The following ELAVL1 variants were observed in gnomAD, a reference collection of about 807,000 sequenced individuals.
The protein encoded by ELAVL1 is ELAV-like protein 1.
A neutral mutation model predicts 28.4 loss-of-function variants in ELAVL1; 1 was observed. The ratio of observed to expected loss-of-function variants is 0.04; its 90% CI spans 0.01 to 0.17. ELAVL1 has a LOEUF of 0.17. ELAVL1 is among the 10% of genes least tolerant of loss of function. The pLI, the probability that ELAVL1 is intolerant of heterozygous loss-of-function variation, is 1.00. For synonymous variants in ELAVL1, 174 were observed against 183.5 expected, an observed-to-expected ratio of 0.95 and a Z score of 0.42; for missense variants, 157 against 447.2, an observed-to-expected ratio of 0.35 and a Z score of 5.85.
rs146163669 is a variant in ELAVL1, at chr19:7,970,225, G to A, written c.431-2435C>T. Among the ~76,000 whole-genome samples, 41 of 150,484 alleles carry A rather than the reference G, an allele frequency of 2.7e-4. No individual in the cohort carries two copies. In the East Asian group the frequency reaches 3.7e-3, roughly 14 times the overall value. ...GGCTGGAGTGCAATGGTGCAATCTC[G>A]GCTCACTGCAACCTCCGCCTCCCAG... On this transcript the variant is annotated intron_variant, in intron 4 of 5. Coordinates refer to ENST00000407627, the MANE Select transcript of ELAVL1 (RefSeq NM_001419.3).
At chr19:7,998,914 A>T (rs1038306783) in intron 1 of ELAVL1, among the ~76,000 whole-genome samples, 5 of 152,222 alleles carry the variant, frequency 3.3e-5, no homozygotes, top group Admixed American at 2.6e-4. Context: ...AGTAGCTGGG[A>T]CTACTGGTGT....
chr19:7,974,913 T>C (rs1985237562), intron 3 of ELAVL1, among the ~76,000 whole-genome samples: 1 of 152,148 alleles, frequency 6.6e-6, no homozygotes, highest in South Asian at 2.1e-4. Context: ...CAACAGACAT[T>C]GCCCCTGCTC....
At chr19:7,993,636 A>G (rs557171153) in intron 1 of ELAVL1, among the ~76,000 whole-genome samples, 2 of 152,114 alleles carry the variant, frequency 1.3e-5, no homozygotes, top group Non-Finnish European at 2.9e-5. Context: ...TGCGCCGCAC[A>G]CTGGGCTCAC....
intron 4 of ELAVL1, among the ~76,000 whole-genome samples, chr19:7,968,074 C>T (rs1985001929): frequency 6.6e-6 from 1 of 152,216 alleles, no homozygotes; most frequent in Non-Finnish European, 1.5e-5. Flanking sequence ...GACACCCAGG[C>T]CTCTTATTTG....
intron 5 of ELAVL1, among the ~76,000 whole-genome samples, chr19:7,966,193 A>T (rs1017362887): frequency 1.3e-5 from 2 of 150,872 alleles, no homozygotes; most frequent in Non-Finnish European, 3.0e-5. Context: ...TTAAAAATTA[A>T]AAAAAAAAGG....
chr19:7,999,256 C>T (rs1246190978), intron 1 of ELAVL1, among the ~76,000 whole-genome samples: 3 of 152,154 alleles, frequency 2.0e-5, no homozygotes, highest in Non-Finnish European at 4.4e-5. Flanking sequence ...GCCTGTAGTA[C>T]CAGCTACTCA....
chr19:7,962,794 C>T lies in ELAVL1; in HGVS notation c.*689G>A, dbSNP rs1038805421. On this transcript the variant is annotated 3_prime_UTR_variant, in exon 6 of 6. Coordinates refer to ENST00000407627, the MANE Select transcript of ELAVL1 (RefSeq NM_001419.3). The stretch of plus-strand genomic sequence containing the variant: ...GACTCTGGAATATACTGGAGTTTCC[C>T]TGAAACTCTTTGGTCCATTCCCATT... The T allele has an allele frequency of 1.3e-5, 2 of 152,706 alleles. No individual in the cohort carries two copies. Among genetic ancestry groups the T allele is most frequent in the African/African-American group, 4.8e-5 (2 of 41,466 alleles). The allele number at this position is 152,706 out of a possible 1,614,324, so 9.5% of individuals were successfully genotyped here.
In ELAVL1 at chr19:7,967,717, A is replaced by G; in HGVS notation, c.504T>C (p.Asn168=). ...SEAEEAITSF[N]GHKPPGSSEP... is the part of the protein sequence containing the mutation. ...CAGAGGAACCTGGGGGTTTATGACC[A>G]TTGAAACTGGTAATTGCCTCTTCTG... The change falls in exon 5 of 6, where the codon AAT becomes AAC. Residue 168 remains asparagine (N), a synonymous_variant. Coordinates refer to ENST00000407627, the MANE Select transcript of ELAVL1 (RefSeq NM_001419.3). 1 of 1,614,194 alleles carries G rather than the reference A, an allele frequency of 6.2e-7. No homozygotes were observed. Among genetic ancestry groups the G allele is most frequent in the South Asian group, 1.1e-5 (1 of 91,082 alleles).
At chr19:7,986,853 G>C (rs570223751) in intron 2 of ELAVL1, among the ~76,000 whole-genome samples, 1 of 152,310 alleles carries the variant, frequency 6.6e-6, no homozygotes, top group South Asian at 2.1e-4. Context: ...GAAGTACGTG[G>C]CTGCTTATGG....
rs756868982 is a variant in ELAVL1 at position 7,967,577 on chromosome 19, G to A, written c.644C>T (p.Ala215Val). 9.3e-6 allele frequency: 15 copies of A among 1,613,834 alleles called. No individual in the cohort carries two copies. The highest frequency in any genetic ancestry group is 1.3e-5 in the African/African-American group (1 of 75,044). ...RRFGGPVHHQ[A>V]QRFRFSPMGV... ...CCTCCCGACCCACCTGAATCTCTGC[G>A]CCTGGTGGTGAACGGGGCCTCCGAA... Residue 215 changes from alanine (A) to valine (V), a missense_variant, in exon 5 of 6, where the codon GCG becomes GTG. Physicochemically the swap from Ala to Val is moderately conservative, Grantham distance 64. This residue lies in a region of ELAVL1 where 107 missense variants were observed against 310.4 expected (regional missense o/e 0.34). Coordinates refer to ENST00000407627, the MANE Select transcript of ELAVL1 (RefSeq NM_001419.3).
intron 2 of ELAVL1, among the ~76,000 whole-genome samples, chr19:7,986,523 G>A (rs1392997589): frequency 6.6e-6 from 1 of 152,228 alleles, no homozygotes; most frequent in African/African-American, 2.4e-5. Flanking sequence ...AAGGCTAGCG[G>A]ATAGCAGGGC....
chr19:7,991,538 G>T, intron 2 of ELAVL1, 106 bp downstream of exon 2: 1 of 1,131,312 alleles, frequency 8.8e-7, no homozygotes, highest in Non-Finnish European at 1.3e-6. Context: ...TTTCAAGGCT[G>T]TAGTTATCCT....
intron 3 of ELAVL1, among the ~76,000 whole-genome samples, chr19:7,980,674 G>T (rs1985435927): frequency 6.6e-6 from 1 of 152,184 alleles, no homozygotes; most frequent in Non-Finnish European, 1.5e-5. Context: ...CGACCCACGG[G>T]GGCACTGAAT....
intron 1 of ELAVL1, among the ~76,000 whole-genome samples, chr19:7,993,885 C>A (rs1985815229): frequency 6.6e-6 from 1 of 152,220 alleles, no homozygotes; most frequent in Non-Finnish European, 1.5e-5. Context: ...TTCCTACCTA[C>A]TCCCTGAATC....
intron 1 of ELAVL1, among the ~76,000 whole-genome samples, chr19:7,993,866 T>C (rs1195839058): frequency 6.6e-6 from 1 of 152,116 alleles, no homozygotes; most frequent in Non-Finnish European, 1.5e-5. Flanking sequence ...ACACCTCTCA[T>C]GTGGAGATTT....
At position 7,991,639 on chromosome 19, in the gene ELAVL1, T is replaced by G; in HGVS notation, c.172+5A>C. 1 of 1,607,350 alleles carries G rather than the reference T, an allele frequency of 6.2e-7. No individual in the cohort carries two copies. The highest frequency in any genetic ancestry group is 8.5e-7 in the Non-Finnish European group (1 of 1,175,576). On this transcript the variant is annotated splice_donor_5th_base_variant and intron_variant, in intron 2 of 5. Coordinates refer to ENST00000407627, the MANE Select transcript of ELAVL1 (RefSeq NM_001419.3). ...CGGTTTACTAAAACGCCTCCATTTC[T>G]TTACCTGCTACTTTATCCCGAATAA...
At chr19:7,968,669 G>A (rs934012728) in intron 4 of ELAVL1, among the ~76,000 whole-genome samples, 3 of 152,240 alleles carry the variant, frequency 2.0e-5, no homozygotes, top group South Asian at 4.1e-4. Context: ...ATCCCTGGAC[G>A]GAGCAGTGTG....
rs1247226183 is a variant in ELAVL1 at position 7,979,096 on chromosome 19, G to A, written c.276+1987C>T. On this transcript the variant is annotated intron_variant, in intron 3 of 5. Coordinates refer to ENST00000407627, the MANE Select transcript of ELAVL1 (RefSeq NM_001419.3). The surrounding 1 kb of genome is among the most constrained non-coding windows in gnomAD (Gnocchi z 5.4). ...GCACAGAGGACCCCAGGGCTGCGCC[G>A]GGGGAACTGCTAGAGGAGCCAGGCC... is the stretch of plus-strand genomic sequence containing the variant. Among the ~76,000 whole-genome samples, 8 of 152,194 alleles carry A rather than the reference G, an allele frequency of 5.3e-5. No homozygotes were observed. The highest frequency in any genetic ancestry group is 2.6e-4 in the Admixed American group (4 of 15,284).
chr19:8,004,840 G>GCAT (rs559600434), intron 1 of ELAVL1, among the ~76,000 whole-genome samples: 26 of 152,128 alleles, frequency 1.7e-4, no homozygotes, highest in Non-Finnish European at 2.5e-4. Flanking sequence ...GGAAGGAAGG[G>GCAT]CATCCATCCC....
Sources: allele counts gnomAD v4.1 joint callset (sites outside exome capture counted in the v4.1 genomes callset), GRCh38; gene constraint gnomAD v4.1.1; regional missense constraint gnomAD v4.1.1; non-coding constraint Gnocchi (gnomAD v3.1); transcripts MANE v1.5; gene names NCBI Gene and HGNC (gene_info 2026-07-23, HGNC 2026-07-21).